DHX15: variants seen among roughly 807,000 people sequenced by gnomAD.
The protein encoded by DHX15 is DEAH-box helicase 15, also known as ATP-dependent RNA helicase DHX15.
DHX15 carries 11 observed loss-of-function variants against 94.4 expected under a neutral mutation model. The ratio of observed to expected loss-of-function variants is 0.12; its 90% CI spans 0.07 to 0.19. The LOEUF (loss-of-function observed/expected upper bound fraction) is 0.19. DHX15 is among the 10% of genes least tolerant of loss of function. The pLI is 1.00. For missense variants in DHX15, 304 were observed against 988.5 expected (o/e 0.31, Z 9.29); for synonymous variants, 338 against 329.9 (o/e 1.02, Z -0.27).
chr4:24,571,255 C>T (rs1480488072), intron 2 of DHX15, among the ~76,000 whole-genome samples: 4 of 152,100 alleles, frequency 2.6e-5, no homozygotes, highest in African/African-American at 4.8e-5. Context: ...AACTCTGAAG[C>T]TGTACTTTTA....
chr4:24,574,867 C>T lies in DHX15; in HGVS notation c.507+1376G>A, dbSNP rs143512499. Reference sequence around the variant, plus strand: ...GTAGTTTGAAAATTCTTAAAATTTCCGTAAGGTGATTTTTGAATACCCTAA... The same window carrying T: ...GTAGTTTGAAAATTCTTAAAATTTCTGTAAGGTGATTTTTGAATACCCTAA... On this transcript the variant is annotated intron_variant, in intron 2 of 13. Transcript: ENST00000336812. 3.5e-3 allele frequency among the ~76,000 whole-genome samples: 537 copies of T among 152,228 alleles called. 2 individuals are homozygous for T. Among genetic ancestry groups the T allele is most frequent in the African/African-American group, 0.012 (510 of 41,536 alleles).
chr4:24,571,344 T>G (rs1305018404), intron 2 of DHX15, among the ~76,000 whole-genome samples: 1 of 152,052 alleles, frequency 6.6e-6, no homozygotes, highest in Non-Finnish European at 1.5e-5. Context: ...TCCTATCCTT[T>G]CCCCCTCAGG....
chr4:24,561,041 A>C (rs185918375), intron 3 of DHX15, among the ~76,000 whole-genome samples: 32 of 152,322 alleles, frequency 2.1e-4, no homozygotes. Context: ...GATAAAATTC[A>C]AGTATACTCT....
chr4:24,570,858 A>G lies in DHX15; in HGVS notation c.508-11T>C, dbSNP rs762601672. ...ACACCACTGTGGAATCTATCAAATAATTTCACATTTAAATTAATTCTATTC... is the reference window on the plus strand; with the variant it reads ...ACACCACTGTGGAATCTATCAAATAGTTTCACATTTAAATTAATTCTATTC... On this transcript the variant is annotated splice_polypyrimidine_tract_variant and intron_variant, in intron 2 of 13. Transcript: ENST00000336812. 3 of 1,610,824 alleles carry G rather than the reference A, an allele frequency of 1.9e-6. No homozygotes were observed. Among genetic ancestry groups the G allele is most frequent in the Non-Finnish European group, 2.5e-6 (3 of 1,177,380 alleles).
intron 1 of DHX15, among the ~76,000 whole-genome samples, chr4:24,582,432 G>A (rs1268038625): frequency 6.6e-6 from 1 of 152,110 alleles, no homozygotes. Context: ...TAATCCCAAG[G>A]GGAACATTTT....
At chr4:24,552,445 C>CTCATTTAAACTGTTCT (rs1721629294) in intron 5 of DHX15, among the ~76,000 whole-genome samples, 4 of 152,100 alleles carry the variant, frequency 2.6e-5, no homozygotes, top group Non-Finnish European at 4.4e-5. Flanking sequence ...TCTCTCCCTC[C>CTCATTTAAACTGTTCT]CAAATTAACT....
At chr4:24,556,722 G>T (rs761118245) in intron 3 of DHX15, among the ~76,000 whole-genome samples, 3 of 152,250 alleles carry the variant, frequency 2.0e-5, no homozygotes, top group African/African-American at 7.2e-5. Context: ...GGCAAAATTC[G>T]TCATTTTCAA....
At position 24,543,140 on chromosome 4, in the gene DHX15, A is replaced by G. The variant is rs562520102; in HGVS notation, c.1249-114T>C. On this transcript the variant is annotated intron_variant, in intron 6 of 13. Coordinates refer to ENST00000336812, the MANE Select transcript of DHX15 (RefSeq NM_001358.3). ...CAAGGAATTTCAAGCCAGCAAATAA[A>G]CTAGAAATATCATTTGATCTTCAAT... 433 of 672,276 alleles carry G rather than the reference A, an allele frequency of 6.4e-4. 5 individuals carry two copies. In the African/African-American group the frequency reaches 7.1e-3, roughly 11 times the overall value. The allele number at this position is 672,276 out of a possible 1,614,324, so 41.6% of individuals were successfully genotyped here.
At chr4:24,567,032 C>T (rs77497045) in intron 3 of DHX15, among the ~76,000 whole-genome samples, 8,159 of 152,152 alleles carry the variant, frequency 0.054, 333 homozygotes, top group African/African-American at 0.11. Flanking sequence ...AGGTACTTAA[C>T]TATTAGCTGA....
At chr4:24,576,091 C>G (rs544909391) in intron 2 of DHX15, 152 bp downstream of exon 2, 1 of 651,092 alleles carries the variant, frequency 1.5e-6, no homozygotes, top group Admixed American at 2.9e-5. Flanking sequence ...GATTTCCACT[C>G]TGAAATTCAG....
Position 24,542,072 on chromosome 4 carries a change from T to C in DHX15, c.1336-50A>G, listed in dbSNP as rs756596540. On this transcript the variant is annotated intron_variant, in intron 7 of 13. Coordinates refer to ENST00000336812, the MANE Select transcript of DHX15 (RefSeq NM_001358.3). The stretch of plus-strand genomic sequence containing the variant: ...AGTCTTTCTTCAGTCAAACACAAAA[T>C]TGTGATGCAACAGAAGTATCCAAAG... 14 of 1,499,406 alleles carry C rather than the reference T, an allele frequency of 9.3e-6. No individual in the cohort carries two copies. The Admixed American group carries it at 9.7e-5, about 10-fold the overall frequency. 92.9% of individuals were successfully genotyped at this position (1,499,406 alleles called of 1,614,324 possible).
intron 6 of DHX15, among the ~76,000 whole-genome samples, chr4:24,545,435 C>T (rs1465493656): frequency 6.6e-6 from 1 of 152,134 alleles, no homozygotes; most frequent in Non-Finnish European, 1.5e-5. Flanking sequence ...ATACATGATT[C>T]TGCAAGTGTT....
chr4:24,560,989 G>C (rs1335260864), intron 3 of DHX15, among the ~76,000 whole-genome samples: 2 of 152,192 alleles, frequency 1.3e-5, no homozygotes, highest in African/African-American at 4.8e-5. Context: ...TTACTGGTGA[G>C]AGTATATAAA....
At position 24,570,582 on chromosome 4, in the gene DHX15, C is replaced by A; in HGVS notation, c.701+72G>T. 4 of 1,443,994 alleles carry A rather than the reference C, an allele frequency of 2.8e-6. No homozygotes were observed. In the South Asian group the frequency reaches 3.6e-5, roughly 13 times the overall value. 89.4% of individuals were successfully genotyped at this position (1,443,994 alleles called of 1,614,324 possible). A position where few individuals can be genotyped will look rare whatever the true frequency, so the allele number is the denominator to read the frequency against. ...TTTGGATGACATAAGCCTGCACTAG[C>A]AAAGTCTTCTATCTAATAGCAGAAA... is the stretch of plus-strand genomic sequence containing the variant. On this transcript the variant is annotated intron_variant, in intron 3 of 13. Coordinates refer to ENST00000336812, the MANE Select transcript of DHX15 (RefSeq NM_001358.3).
At position 24,576,497 on chromosome 4, in the gene DHX15, A is replaced by T. The variant is rs777302857; in HGVS notation, c.253T>A (p.Ser85Thr). 55 of 1,614,052 alleles carry T rather than the reference A, an allele frequency of 3.4e-5. No homozygotes were observed. Among genetic ancestry groups the T allele is most frequent in the Non-Finnish European group, 4.2e-5 (49 of 1,180,048 alleles). ...PPLKASHSAH[S>T]THSAHSTHST... ...TGCGTTGAATGTGCTGAGTGGGTTGAGTGAGCTGAATGGGAAGCTTTCAAA... is the reference window on the plus strand; with the variant it reads ...TGCGTTGAATGTGCTGAGTGGGTTGTGTGAGCTGAATGGGAAGCTTTCAAA... The change falls in exon 2 of 14, where the codon TCA (serine) becomes ACA (threonine). Residue 85 changes from serine to threonine, a missense_variant. Ser to Thr is a moderately conservative substitution (Grantham distance 58). Transcript: ENST00000336812.
At chr4:24,560,433 CAGGG>C (rs1721848285) in intron 3 of DHX15, among the ~76,000 whole-genome samples, 1 of 95,022 alleles carries the variant, frequency 1.1e-5, no homozygotes, top group Non-Finnish European at 2.4e-5. Context: ...CAACACTGGG[CAGGG>C]TATGATGCAA....
chr4:24,575,019 T>C (rs1722223491), intron 2 of DHX15, among the ~76,000 whole-genome samples: 1 of 152,074 alleles, frequency 6.6e-6, no homozygotes. Flanking sequence ...AGCCAGGCAC[T>C]GGTGGCATAT....
At chr4:24,545,985 T>C (rs955604666) in intron 6 of DHX15, among the ~76,000 whole-genome samples, 12 of 152,134 alleles carry the variant, frequency 7.9e-5, no homozygotes, top group African/African-American at 2.4e-4. Flanking sequence ...TGCCTTCTAA[T>C]AGAACTCACT....
chr4:24,572,869 A>C (rs1385248712), intron 2 of DHX15, among the ~76,000 whole-genome samples: 1 of 152,124 alleles, frequency 6.6e-6, no homozygotes, highest in African/African-American at 2.4e-5. Context: ...AGAGGTCCTG[A>C]AATATGTAGG....
Sources: allele counts gnomAD v4.1 joint callset (sites outside exome capture counted in the v4.1 genomes callset), GRCh38; gene constraint gnomAD v4.1.1; transcripts MANE v1.5; gene names NCBI Gene and HGNC (gene_info 2026-07-23, HGNC 2026-07-21).